The following KCNN2 variants were observed in gnomAD, a reference collection of about 807,000 sequenced individuals.
KCNN2 encodes potassium calcium-activated channel subfamily N member 2.
KCNN2 carries 24 observed loss-of-function variants against 55.5 expected under a neutral mutation model. The ratio of observed to expected loss-of-function variants is 0.43; its 90% CI spans 0.31 to 0.61. KCNN2 has a LOEUF of 0.61. Among genes scored for constraint, KCNN2 ranks in the 20% least tolerant of loss-of-function variants. KCNN2 has a pLI of 0.08. For missense variants in KCNN2, 754 were observed against 853.6 expected (o/e 0.88, Z 1.45); for synonymous variants, 431 against 336.1 (o/e 1.28, Z -3.09).
At chr5:114,216,527 G>T (rs1009191419) in intron 1 of KCNN2, among the ~76,000 whole-genome samples, 1 of 152,114 alleles carries the variant, frequency 6.6e-6, no homozygotes, top group Non-Finnish European at 1.5e-5. Flanking sequence ...CTTCACTCAA[G>T]ATATTTTTAA....
chr5:114,434,889 C>T (rs906560047), intron 3 of KCNN2, among the ~76,000 whole-genome samples: 1 of 152,132 alleles, frequency 6.6e-6, no homozygotes, highest in Admixed American at 6.5e-5. Context: ...GTGTTTTAGG[C>T]TCTGGTGAAA....
At chr5:114,140,609 C>G (rs1335030881) in intron 1 of KCNN2, among the ~76,000 whole-genome samples, 3 of 151,840 alleles carry the variant, frequency 2.0e-5, no homozygotes, top group African/African-American at 7.3e-5. Flanking sequence ...ACAAATAAAT[C>G]AAATTCTGTA....
At chr5:114,151,613 T>A (rs1752526088) in intron 1 of KCNN2, among the ~76,000 whole-genome samples, 1 of 152,326 alleles carries the variant, frequency 6.6e-6, no homozygotes, top group East Asian at 1.9e-4. Flanking sequence ...TGTGATGGTA[T>A]GTGGACACAC....
At chr5:114,448,314 C>A (rs72801844) in intron 3 of KCNN2, among the ~76,000 whole-genome samples, 1 of 152,088 alleles carries the variant, frequency 6.6e-6, no homozygotes, top group Non-Finnish European at 1.5e-5. Context: ...TGTTCTGAAG[C>A]CTTTATGGAG....
chr5:114,211,535 G>C (rs751116890), intron 1 of KCNN2, among the ~76,000 whole-genome samples: 7 of 152,024 alleles, frequency 4.6e-5, no homozygotes, highest in Non-Finnish European at 7.4e-5. Context: ...ACAAAGAGGG[G>C]AACAACAGAC....
chr5:114,344,824 C>T (rs570640579), intron 2 of KCNN2, among the ~76,000 whole-genome samples: 15 of 152,132 alleles, frequency 9.9e-5, no homozygotes, highest in Admixed American at 2.0e-4. Context: ...TAAACTGCCA[C>T]GGAAAAATTA....
intron 4 of KCNN2, among the ~76,000 whole-genome samples, chr5:114,470,414 A>G (rs1761670674): frequency 6.6e-6 from 1 of 152,162 alleles, no homozygotes. Context: ...AGTAGTACCT[A>G]GGAGCATATC....
chr5:114,123,132 T>TA (rs1751858024), intron 1 of KCNN2, among the ~76,000 whole-genome samples: 1 of 152,136 alleles, frequency 6.6e-6, no homozygotes, highest in Non-Finnish European at 1.5e-5. Context: ...GCACCACTCT[T>TA]ACTGAGGCAG....
At chr5:114,441,088 A>G (rs534419696) in intron 3 of KCNN2, among the ~76,000 whole-genome samples, 1 of 152,190 alleles carries the variant, frequency 6.6e-6, no homozygotes, top group Non-Finnish European at 1.5e-5. Flanking sequence ...AACTAGTAGG[A>G]ATAAAAAAAG....
chr5:114,295,810 T>TA (rs1178646330), intron 2 of KCNN2, among the ~76,000 whole-genome samples: 1 of 152,194 alleles, frequency 6.6e-6, no homozygotes, highest in Non-Finnish European at 1.5e-5. Flanking sequence ...CTGGGAGCTG[T>TA]AGACTGGAGC....
intron 2 of KCNN2, among the ~76,000 whole-genome samples, chr5:114,401,035 C>G (rs1405101624): frequency 1.4e-5 from 2 of 143,500 alleles, no homozygotes; most frequent in African/African-American, 5.1e-5. Flanking sequence ...GGCAGATTCT[C>G]TGTTCATCAT....
intron 2 of KCNN2, among the ~76,000 whole-genome samples, chr5:114,224,367 G>T (rs1240691497): frequency 6.6e-6 from 1 of 151,998 alleles, no homozygotes; most frequent in Non-Finnish European, 1.5e-5. Flanking sequence ...ATTTTTTCTT[G>T]CTGAATTAAT....
chr5:114,295,197 G>A (rs532608257), intron 2 of KCNN2, among the ~76,000 whole-genome samples: 1 of 152,312 alleles, frequency 6.6e-6, no homozygotes, highest in Non-Finnish European at 1.5e-5. Flanking sequence ...ATCTCCAGCT[G>A]CGTGCTGGGA....
intron 2 of KCNN2, among the ~76,000 whole-genome samples, chr5:114,392,833 A>G (rs542026597): frequency 5.0e-4 from 74 of 147,864 alleles, no homozygotes; most frequent in African/African-American, 1.8e-3. Flanking sequence ...TCACTTTGTT[A>G]CATCCAAATG....
At chr5:114,434,018 T>A (rs749688701) in intron 3 of KCNN2, 1 of 152,226 alleles carries the variant, frequency 6.6e-6, no homozygotes, top group Non-Finnish European at 1.5e-5. Context: ...AGTATAGTTG[T>A]ATTATTATTT....
intron 1 of KCNN2, among the ~76,000 whole-genome samples, chr5:114,078,198 G>A (rs994261060): frequency 6.6e-6 from 1 of 152,164 alleles, no homozygotes; most frequent in African/African-American, 2.4e-5. Context: ...AAAGTACCTC[G>A]AGGGTGTCGT....
intron 2 of KCNN2, among the ~76,000 whole-genome samples, chr5:114,331,815 C>G (rs765980625): frequency 1.1e-4 from 17 of 152,080 alleles, no homozygotes; most frequent in Non-Finnish European, 2.2e-4. Context: ...TCAAATGCAA[C>G]ATGATCTTCT....
intron 2 of KCNN2, among the ~76,000 whole-genome samples, chr5:114,283,638 T>G (rs1024251202): frequency 3.9e-5 from 6 of 152,212 alleles, no homozygotes; most frequent in Admixed American, 3.9e-4. Context: ...AGAAATTATT[T>G]GTAGGAAATA....
chr5:114,325,750 A>G (rs960223248), intron 2 of KCNN2, among the ~76,000 whole-genome samples: 2 of 152,198 alleles, frequency 1.3e-5, no homozygotes, highest in African/African-American at 2.4e-5. Flanking sequence ...AGCAGAGTTC[A>G]TGTGAGTCTG....
Sources: gnomAD v4.1 joint callset for allele counts (sites outside exome capture counted in the v4.1 genomes callset) on GRCh38, gnomAD v4.1.1 for gene constraint, MANE v1.5 for transcripts, NCBI Gene and HGNC (gene_info 2026-07-23, HGNC 2026-07-21) for gene names.